Variants in MAP3K5 observed in about 807,000 individuals in gnomAD.
MAP3K5 encodes the protein mitogen-activated protein kinase kinase kinase 5, also known as ASK-1.
Under a neutral mutation model 158.7 loss-of-function variants are expected in MAP3K5, and 56 were observed. That is an observed-to-expected ratio of 0.35 (90% CI 0.28 to 0.44). The LOEUF (loss-of-function observed/expected upper bound fraction) is 0.44. Among genes scored for constraint, MAP3K5 ranks in the 20% least tolerant of loss-of-function variants. The pLI, the probability that MAP3K5 is intolerant of heterozygous loss-of-function variation, is 1.00. For synonymous variants in MAP3K5, 579 were observed against 601.7 expected, an observed-to-expected ratio of 0.96 and a Z score of 0.55; for missense variants, 1,294 against 1,674.8, an observed-to-expected ratio of 0.77 and a Z score of 3.97.
chr6:136,676,120 T>G (rs568096029), intron 7 of MAP3K5, among the ~76,000 whole-genome samples: 2 of 152,242 alleles, frequency 1.3e-5, no homozygotes, highest in Non-Finnish European at 2.9e-5. Flanking sequence ...TTCTTTTTGT[T>G]GTCTATCTGC....
chr6:136,783,034 T>C (rs1784682259), intron 1 of MAP3K5, among the ~76,000 whole-genome samples: 1 of 152,214 alleles, frequency 6.6e-6, no homozygotes, highest in Non-Finnish European at 1.5e-5. Context: ...CTAGGCGCAG[T>C]GGCCCACGCC....
intron 1 of MAP3K5, among the ~76,000 whole-genome samples, chr6:136,724,449 T>C (rs981390427): frequency 6.6e-6 from 1 of 152,054 alleles, no homozygotes; most frequent in Admixed American, 6.5e-5. Context: ...GGTTTCGCCA[T>C]GTTGGCCAGG....
chr6:136,578,994 G>A (rs1774744349), intron 25 of MAP3K5, among the ~76,000 whole-genome samples: 1 of 150,702 alleles, frequency 6.6e-6, no homozygotes, highest in Admixed American at 6.6e-5. Context: ...AACAGAGTGA[G>A]ACTTCATCTC....
intron 2 of MAP3K5, among the ~76,000 whole-genome samples, chr6:136,714,533 TTTCC>T (rs1583465321): frequency 6.6e-6 from 1 of 152,136 alleles, no homozygotes; most frequent in East Asian, 1.9e-4. Flanking sequence ...TATGTCAAAA[TTTCC>T]TTCCTTTTTA....
In MAP3K5 at chr6:136,622,967, A is replaced by G. The variant is rs1390364406; in HGVS notation, c.2031T>C (p.Tyr677=). 6.2e-7 allele frequency: 1 copy of G among 1,613,976 alleles called. No individual in the cohort carries two copies. Among genetic ancestry groups the G allele is most frequent in the Non-Finnish European group, 8.5e-7 (1 of 1,179,926 alleles). ...ESDLLEYDYE[Y]DENGDRVVLG... ...AAACGACTCTGTCACCATTTTCATC[A>G]TATTCATAGTCATACTACAAAAGGA... Residue 677 remains tyrosine, a synonymous_variant, in exon 15 of 30, where the codon TAT becomes TAC. Transcript: ENST00000359015.
At chr6:136,730,609 C>G (rs1452469351) in intron 1 of MAP3K5, among the ~76,000 whole-genome samples, 1 of 151,430 alleles carries the variant, frequency 6.6e-6, no homozygotes, top group Non-Finnish European at 1.5e-5. Flanking sequence ...GTAGTCCCAG[C>G]TACTCAGGAG....
At chr6:136,791,641 T>C in intron 1 of MAP3K5, 69 bp downstream of exon 1, 1 of 1,527,230 alleles carries the variant, frequency 6.5e-7, no homozygotes, top group African/African-American at 1.4e-5. Flanking sequence ...AAAAATGAAA[T>C]GCCCCGAAGA....
chr6:136,745,532 C>CT (rs924350330), intron 1 of MAP3K5, among the ~76,000 whole-genome samples: 1 of 152,146 alleles, frequency 6.6e-6, no homozygotes, highest in Non-Finnish European at 1.5e-5. Flanking sequence ...TTCTCCCCTT[C>CT]TTTGAGCTGG....
intron 18 of MAP3K5, among the ~76,000 whole-genome samples, chr6:136,607,589 C>T (rs977812692): frequency 1.3e-5 from 2 of 152,204 alleles, no homozygotes; most frequent in African/African-American, 4.8e-5. Context: ...AAAACTCATA[C>T]CTCACATATC....
intron 1 of MAP3K5, among the ~76,000 whole-genome samples, chr6:136,740,126 T>C (rs1782648759): frequency 1.3e-5 from 2 of 152,238 alleles, no homozygotes; most frequent in Admixed American, 1.3e-4. Context: ...ACAAATGGCA[T>C]GGAGTAGAAT....
intron 5 of MAP3K5, 35 bp from the exon 6 acceptor site, chr6:136,696,092 C>T (rs1382424765): frequency 1.6e-6 from 2 of 1,248,766 alleles, no homozygotes; most frequent in Admixed American, 3.9e-5. Flanking sequence ...CAGAATTAAA[C>T]CATTAGGAGA....
intron 15 of MAP3K5, among the ~76,000 whole-genome samples, chr6:136,616,867 T>C (rs1261377971): frequency 6.6e-6 from 1 of 151,938 alleles, no homozygotes; most frequent in Non-Finnish European, 1.5e-5. Flanking sequence ...TAGCTGTGAC[T>C]ACAGGCATGC....
chr6:136,727,352 A>G (rs545680253), intron 1 of MAP3K5, among the ~76,000 whole-genome samples: 1 of 152,288 alleles, frequency 6.6e-6, no homozygotes, highest in South Asian at 2.1e-4. Context: ...CCCCTTTGTG[A>G]TTGGTAGTAT....
rs541399839 is a variant in MAP3K5 at position 136,670,111 on chromosome 6, T to C, written c.1254-716A>G. The stretch of plus-strand genomic sequence containing the variant: ...GAAAAGCAGAGATGTAGAGTATGTC[T>C]CTACATACTAATTTTGGCTCAGAGA... On this transcript the variant is annotated intron_variant, in intron 7 of 29. Coordinates refer to ENST00000359015, the MANE Select transcript of MAP3K5 (RefSeq NM_005923.4). Among the ~76,000 whole-genome samples the C allele has an allele frequency of 5.9e-5, 9 of 152,274 alleles. No individual in the cohort carries two copies. In the South Asian group the frequency reaches 1.5e-3, roughly 25 times the overall value.
intron 7 of MAP3K5, among the ~76,000 whole-genome samples, chr6:136,692,304 T>TA (rs1780422379): frequency 6.6e-6 from 1 of 152,168 alleles, no homozygotes; most frequent in Non-Finnish European, 1.5e-5. Context: ...AGTTTTTTAA[T>TA]AAAAGGTAAA....
At chr6:136,618,815 C>T (rs1009613965) in intron 15 of MAP3K5, among the ~76,000 whole-genome samples, 2 of 152,182 alleles carry the variant, frequency 1.3e-5, no homozygotes, top group South Asian at 2.1e-4. Flanking sequence ...AACTCTGGAA[C>T]GACACCAAAC....
intron 14 of MAP3K5, among the ~76,000 whole-genome samples, chr6:136,632,719 G>C (rs775075401): frequency 6.6e-6 from 1 of 152,200 alleles, no homozygotes; most frequent in East Asian, 1.9e-4. Flanking sequence ...GGATTAAGAC[G>C]GGTTTGGGAG....
At position 136,601,994 on chromosome 6, in the gene MAP3K5, T is replaced by G. The variant is rs1775897518; in HGVS notation, c.2680-15A>C. On this transcript the variant is annotated splice_polypyrimidine_tract_variant and intron_variant, in intron 19 of 29. Transcript: ENST00000359015. ...AACATTCCCACCTAAGACATAAATA[T>G]AAAAAGTGCAATGTGCCTTCTGAGT... The G allele has an allele frequency of 6.2e-7, 1 of 1,608,092 alleles. No individual in the cohort carries two copies.
chr6:136,630,046 C>T (rs1447641945), intron 14 of MAP3K5, among the ~76,000 whole-genome samples: 1 of 152,058 alleles, frequency 6.6e-6, no homozygotes, highest in African/African-American at 2.4e-5. Flanking sequence ...CCACCACACC[C>T]GGCCTAAATC....
Sources: allele counts gnomAD v4.1 joint callset (sites outside exome capture counted in the v4.1 genomes callset), GRCh38; gene constraint gnomAD v4.1.1; transcripts MANE v1.5; gene names NCBI Gene and HGNC (gene_info 2026-07-23, HGNC 2026-07-21).